SIPA1L1: variants seen among roughly 807,000 people sequenced by gnomAD.
SIPA1L1 encodes signal-induced proliferation-associated 1-like protein 1.
In SIPA1L1, 26 loss-of-function variants were observed where a neutral mutation model predicts 162.7. The observed-to-expected ratio is 0.16, with a 90% CI of 0.12 to 0.22. SIPA1L1 has a LOEUF of 0.22. SIPA1L1 is among the 10% of genes least tolerant of loss of function. SIPA1L1 has a pLI of 1.00. For synonymous variants in SIPA1L1, 829 were observed against 837.4 expected, an observed-to-expected ratio of 0.99 and a Z score of 0.17; for missense variants, 1,874 against 2,241.0, an observed-to-expected ratio of 0.84 and a Z score of 3.31.
chr14:71,732,014 G>C (rs1187784297), intron 20 of SIPA1L1, among the ~76,000 whole-genome samples: 2 of 152,196 alleles, frequency 1.3e-5, no homozygotes, highest in Non-Finnish European at 2.9e-5. Flanking sequence ...GGGCAGAAGG[G>C]TTGTGAGTTA....
intron 2 of SIPA1L1, among the ~76,000 whole-genome samples, chr14:71,506,510 T>G (rs1478546665): frequency 6.6e-6 from 1 of 152,088 alleles, no homozygotes; most frequent in East Asian, 1.9e-4. Context: ...CTGGCTAATT[T>G]TTGTACTTTT....
chr14:71,607,213 G>A (rs2148206888), intron 5 of SIPA1L1, among the ~76,000 whole-genome samples: 1 of 151,638 alleles, frequency 6.6e-6, no homozygotes. Context: ...TATGAACAAT[G>A]GTGGTTTTAA....
intron 2 of SIPA1L1, among the ~76,000 whole-genome samples, chr14:71,487,288 C>G (rs2048847903): frequency 6.6e-6 from 1 of 152,138 alleles, no homozygotes. Context: ...TTAGGTGTTC[C>G]TACTGAATGT....
intron 4 of SIPA1L1, among the ~76,000 whole-genome samples, chr14:71,581,647 G>T (rs368904890): frequency 6.6e-6 from 1 of 152,026 alleles, no homozygotes; most frequent in Admixed American, 6.6e-5. Context: ...TATTTTAAAT[G>T]TATGACAGTT....
At chr14:71,370,050 A>C (rs1175458597) in intron 2 of SIPA1L1, among the ~76,000 whole-genome samples, 1 of 132,884 alleles carries the variant, frequency 7.5e-6, no homozygotes. Context: ...TATCAGCTTA[A>C]GGAGATTTTG....
intron 7 of SIPA1L1, among the ~76,000 whole-genome samples, chr14:71,637,576 A>G (rs559953519): frequency 4.6e-5 from 7 of 151,382 alleles, no homozygotes; most frequent in African/African-American, 1.7e-4. Flanking sequence ...CAAAAAATTT[A>G]AAAAAAAAGT....
At chr14:71,716,436 C>T (rs912701960) in intron 17 of SIPA1L1, among the ~76,000 whole-genome samples, 3 of 152,220 alleles carry the variant, frequency 2.0e-5, no homozygotes, top group African/African-American at 7.2e-5. Flanking sequence ...AAAATACCAT[C>T]TTTAGCAGGC....
intron 2 of SIPA1L1, among the ~76,000 whole-genome samples, chr14:71,459,682 G>A (rs1759431734): frequency 6.6e-6 from 1 of 152,126 alleles, no homozygotes; most frequent in African/African-American, 2.4e-5. Flanking sequence ...TTTTCTGCCT[G>A]CTTATATTCA....
At chr14:71,485,674 AAAAAT>A (rs1261642434) in intron 2 of SIPA1L1, among the ~76,000 whole-genome samples, 1 of 152,220 alleles carries the variant, frequency 6.6e-6, no homozygotes, top group African/African-American at 2.4e-5. Flanking sequence ...TAATAATAAT[AAAAAT>A]AAAGTGCATG....
At chr14:71,505,919 G>C (rs2050623359) in intron 2 of SIPA1L1, among the ~76,000 whole-genome samples, 1 of 151,466 alleles carries the variant, frequency 6.6e-6, no homozygotes, top group Non-Finnish European at 1.5e-5. Flanking sequence ...TTTAAACTTG[G>C]GTCCCATCCT....
At chr14:71,334,626 GA>G (rs1401162592) in intron 2 of SIPA1L1, among the ~76,000 whole-genome samples, 1 of 152,152 alleles carries the variant, frequency 6.6e-6, no homozygotes, top group Non-Finnish European at 1.5e-5. Context: ...TATTGTAGTA[GA>G]AAAATGGCTC....
chr14:71,580,582 A>C (rs1363037534), intron 4 of SIPA1L1, among the ~76,000 whole-genome samples: 1 of 152,230 alleles, frequency 6.6e-6, no homozygotes, highest in Non-Finnish European at 1.5e-5. Context: ...CTAATCTTAT[A>C]ATCTTTAGTA....
intron 4 of SIPA1L1, among the ~76,000 whole-genome samples, chr14:71,538,085 T>C (rs2054062448): frequency 6.6e-6 from 1 of 152,218 alleles, no homozygotes. Context: ...ACCAGATGAA[T>C]TCCTCCTTCA....
chr14:71,462,511 C>T (rs1412668139), intron 2 of SIPA1L1, among the ~76,000 whole-genome samples: 2 of 152,288 alleles, frequency 1.3e-5, no homozygotes, highest in Admixed American at 6.5e-5. Flanking sequence ...CCAAATAGGT[C>T]CACTAGGCGT....
chr14:71,364,669 G>T (rs1037545039), intron 2 of SIPA1L1, among the ~76,000 whole-genome samples: 11 of 152,052 alleles, frequency 7.2e-5, no homozygotes, highest in African/African-American at 2.7e-4. Context: ...TGACCTTGCA[G>T]ACTCCTCAGA....
intron 2 of SIPA1L1, among the ~76,000 whole-genome samples, chr14:71,349,782 A>G (rs1423632344): frequency 1.3e-5 from 2 of 152,226 alleles, no homozygotes; most frequent in Non-Finnish European, 2.9e-5. Flanking sequence ...TTAGGAGGTC[A>G]GCTTGTAGCT....
chr14:71,634,661 G>C (rs540142317), intron 7 of SIPA1L1, among the ~76,000 whole-genome samples: 1 of 152,258 alleles, frequency 6.6e-6, no homozygotes, highest in South Asian at 2.1e-4. Context: ...AGTTGGCCGG[G>C]CGCGGTGGCT....
In SIPA1L1 at chr14:71,671,440, T is replaced by A; in HGVS notation, c.2577T>A (p.Ile859=). 6.2e-7 allele frequency: 1 copy of A among 1,614,116 alleles called. No homozygotes were observed. Residue 859 remains isoleucine (I), a synonymous_variant, in exon 11 of 24, where the codon ATT becomes ATA. Transcript: ENST00000381232. ...CCGAGCTCAGCAGCATGGGGGCCATTGTATGGGCAGTCCGGGCTGAAGACT... is the reference window on the plus strand; with the variant it reads ...CCGAGCTCAGCAGCATGGGGGCCATAGTATGGGCAGTCCGGGCTGAAGACT... ...PGAELSSMGA[I]VWAVRAEDYN...
chr14:71,634,651 A>G (rs547787267), intron 7 of SIPA1L1, among the ~76,000 whole-genome samples: 10 of 151,932 alleles, frequency 6.6e-5, no homozygotes, highest in African/African-American at 2.4e-4. Context: ...AAAGTAGCTA[A>G]GTTGGCCGGG....
Sources: gnomAD v4.1 joint callset for allele counts (sites outside exome capture counted in the v4.1 genomes callset) on GRCh38, gnomAD v4.1.1 for gene constraint, MANE v1.5 for transcripts, NCBI Gene and HGNC (gene_info 2026-07-23, HGNC 2026-07-21) for gene names.